Variants in BICD1 observed in about 807,000 individuals in gnomAD.
The protein encoded by BICD1 is BICD cargo adaptor 1.
In BICD1, 35 loss-of-function variants were observed where a neutral mutation model predicts 92.5. The ratio of observed to expected loss-of-function variants is 0.38; its 90% CI spans 0.29 to 0.50. BICD1 has a LOEUF of 0.50. Among genes scored for constraint, BICD1 ranks in the 20% least tolerant of loss-of-function variants. The pLI is 0.93. For missense variants in BICD1, 950 were observed against 1,189.8 expected, an observed-to-expected ratio of 0.80 and a Z score of 2.97; for synonymous variants, 429 against 465.1, an observed-to-expected ratio of 0.92 and a Z score of 1.00.
chr12:32,288,699 C>G (rs1000097779), intron 2 of BICD1, among the ~76,000 whole-genome samples: 2 of 151,974 alleles, frequency 1.3e-5, no homozygotes, highest in African/African-American at 4.8e-5. Context: ...AATCCTGTCT[C>G]TAGTAAAAAT....
chr12:32,310,043 C>T (rs1413861983), intron 4 of BICD1, among the ~76,000 whole-genome samples: 1 of 152,186 alleles, frequency 6.6e-6, no homozygotes, highest in African/African-American at 2.4e-5. Flanking sequence ...TAGCTAACAG[C>T]TCATGACAGT....
At chr12:32,202,023 TG>T (rs1229111825) in intron 1 of BICD1, among the ~76,000 whole-genome samples, 1 of 152,210 alleles carries the variant, frequency 6.6e-6, no homozygotes, top group African/African-American at 2.4e-5. Flanking sequence ...AAGAAGCTGA[TG>T]TGAACCAGCA....
At chr12:32,369,081 T>C (rs921093487) in intron 9 of BICD1, among the ~76,000 whole-genome samples, 11 of 152,258 alleles carry the variant, frequency 7.2e-5, no homozygotes, top group Non-Finnish European at 1.5e-4. Context: ...GTGACCTTTA[T>C]GTGAGATTAC....
intron 1 of BICD1, among the ~76,000 whole-genome samples, chr12:32,165,298 G>A (rs1943720582): frequency 6.6e-6 from 1 of 152,098 alleles, no homozygotes. Flanking sequence ...GGCGGATCAC[G>A]AGGTCAGGAG....
At chr12:32,367,994 C>T (rs1939589555) in intron 9 of BICD1, 1 of 433,278 alleles carries the variant, frequency 2.3e-6, no homozygotes, top group Non-Finnish European at 4.2e-6. Flanking sequence ...GCCCCTTTGT[C>T]TGTGTAAATA....
chr12:32,267,065 G>A (rs1046995793), intron 2 of BICD1, among the ~76,000 whole-genome samples: 3 of 152,158 alleles, frequency 2.0e-5, no homozygotes, highest in Non-Finnish European at 4.4e-5. Flanking sequence ...GACAGAGGCT[G>A]ACATGTCATG....
At chr12:32,327,386 C>G in intron 4 of BICD1, 75 bp from the exon 5 acceptor site, 2 of 1,503,666 alleles carry the variant, frequency 1.3e-6, no homozygotes, top group Non-Finnish European at 1.8e-6. Flanking sequence ...TGTATACATG[C>G]CCGACTGTGA....
intron 1 of BICD1, among the ~76,000 whole-genome samples, chr12:32,207,731 G>C (rs73078215): frequency 0.066 from 10,002 of 152,166 alleles, 344 homozygotes; most frequent in South Asian, 0.11. Flanking sequence ...AGAGAAAAAA[G>C]AAAAAGCTGC....
chr12:32,296,992 T>C (rs989470971), intron 3 of BICD1, among the ~76,000 whole-genome samples: 2 of 152,192 alleles, frequency 1.3e-5, no homozygotes, highest in African/African-American at 2.4e-5. Flanking sequence ...CAACATGCCA[T>C]ATGCTAATTT....
intron 2 of BICD1, among the ~76,000 whole-genome samples, chr12:32,250,533 T>C (rs1946498271): frequency 1.3e-5 from 2 of 152,298 alleles, no homozygotes; most frequent in African/African-American, 4.8e-5. Flanking sequence ...GTGGCAGACA[T>C]TGAATGCTCA....
intron 8 of BICD1, among the ~76,000 whole-genome samples, chr12:32,358,547 G>A (rs1372455114): frequency 3.3e-5 from 5 of 151,938 alleles, no homozygotes; most frequent in African/African-American, 1.2e-4. Context: ...GACCATCCTG[G>A]CCAACATGGC....
intron 9 of BICD1, among the ~76,000 whole-genome samples, chr12:32,370,037 C>T (rs1939670446): frequency 6.6e-6 from 1 of 152,186 alleles, no homozygotes. Context: ...AGGTTTTTCG[C>T]TAATGCCATT....
chr12:32,148,607 CTTTT>C (rs1459968771), intron 1 of BICD1, among the ~76,000 whole-genome samples: 13 of 152,176 alleles, frequency 8.5e-5, no homozygotes, highest in African/African-American at 2.9e-4. Context: ...GTTATGCTCC[CTTTT>C]AAGGTCACTT....
intron 1 of BICD1, among the ~76,000 whole-genome samples, chr12:32,195,741 C>T (rs1944707988): frequency 6.6e-6 from 1 of 151,952 alleles, no homozygotes; most frequent in African/African-American, 2.4e-5. Context: ...GAAATGACAA[C>T]AAAAGCACAG....
intron 1 of BICD1, among the ~76,000 whole-genome samples, chr12:32,117,239 T>G (rs1349189822): frequency 2.6e-5 from 4 of 152,222 alleles, no homozygotes; most frequent in African/African-American, 7.2e-5. Context: ...GGAAGGGGTA[T>G]ATCTAGAATG....
chr12:32,171,940 TACACACACACACACACACACAC>T lies in BICD1; in HGVS notation c.214-44278_214-44257del, dbSNP rs61038844. 2.8e-3 allele frequency among the ~76,000 whole-genome samples: 401 copies of T among 141,096 alleles called. 1 individual carries two copies. Among genetic ancestry groups the T allele is most frequent in the African/African-American group, 1.0e-2 (375 of 37,642 alleles). The allele number at this position is 141,096 out of a possible 152,430, so 92.6% of individuals were successfully genotyped here. A position where few individuals can be genotyped will look rare whatever the true frequency, so the allele number is the denominator to read the frequency against. The stretch of plus-strand genomic sequence containing the variant: ...CAAAGCAAGACTTGGTCTCAAAAAA[TACACACACACACACACACACAC>T]ACACACACACACACACACACACACA... On this transcript the variant is annotated intron_variant, in intron 1 of 9. Transcript: ENST00000652176.
At chr12:32,276,187 G>C (rs1166910757) in intron 2 of BICD1, among the ~76,000 whole-genome samples, 1 of 152,102 alleles carries the variant, frequency 6.6e-6, no homozygotes, top group Non-Finnish European at 1.5e-5. Flanking sequence ...CCCTGGACCG[G>C]CCTGCTAGCC....
intron 6 of BICD1, among the ~76,000 whole-genome samples, chr12:32,335,237 G>C (rs1373070984): frequency 1.3e-5 from 2 of 151,436 alleles, no homozygotes; most frequent in Non-Finnish European, 1.5e-5. Flanking sequence ...TGCAACCTCC[G>C]CCTCCCGGGT....
At chr12:32,142,405 TA>T (rs1162662533) in intron 1 of BICD1, among the ~76,000 whole-genome samples, 3,971 of 63,392 alleles carry the variant, frequency 0.063, 48 homozygotes, top group Non-Finnish European at 0.081. Flanking sequence ...AGACTCTGTC[TA>T]AAAAAAAAAA....
Sources: gnomAD v4.1 joint callset for allele counts (sites outside exome capture counted in the v4.1 genomes callset) on GRCh38, gnomAD v4.1.1 for gene constraint, MANE v1.5 for transcripts, NCBI Gene and HGNC (gene_info 2026-07-23, HGNC 2026-07-21) for gene names.